Variants in KALRN observed in about 807,000 individuals in gnomAD.
KALRN encodes kalirin.
A neutral mutation model predicts 353.7 loss-of-function variants in KALRN; 70 were observed. That is an observed-to-expected ratio of 0.20 (90% confidence interval 0.16 to 0.24). The LOEUF (loss-of-function observed/expected upper bound fraction) is 0.24, where lower values mean the gene tolerates loss of function less well. KALRN is among the 10% of genes least tolerant of loss of function. The pLI is 1.00. For synonymous variants in KALRN, 1,391 were observed against 1,434.8 expected (o/e 0.97, Z 0.69); for missense variants, 2,791 against 3,756.7 (o/e 0.74, Z 6.72).
intron 2 of KALRN, among the ~76,000 whole-genome samples, chr3:124,228,546 C>A (rs1014003912): frequency 3.3e-5 from 5 of 152,152 alleles, no homozygotes; most frequent in African/African-American, 1.2e-4. Flanking sequence ...TTATATCTGA[C>A]TTCTCTCTCC....
chr3:124,285,723 A>G (rs2075771145), intron 5 of KALRN, among the ~76,000 whole-genome samples: 1 of 152,028 alleles, frequency 6.6e-6, no homozygotes, highest in African/African-American at 2.4e-5. Context: ...TTTAGTAGAG[A>G]TGGGGTTTTG....
intron 37 of KALRN, among the ~76,000 whole-genome samples, chr3:124,640,652 G>C (rs2081942530): frequency 6.6e-6 from 1 of 152,162 alleles, no homozygotes; most frequent in Non-Finnish European, 1.5e-5. Context: ...GAGGGGCCCA[G>C]AGGAGGTAAC....
At chr3:124,097,805 A>G (rs2061553452) in intron 1 of KALRN, among the ~76,000 whole-genome samples, 1 of 152,240 alleles carries the variant, frequency 6.6e-6, no homozygotes, top group African/African-American at 2.4e-5. Context: ...TTGACAGTGT[A>G]CTACCAGCTT....
At chr3:124,249,586 C>A (rs928048063) in intron 3 of KALRN, among the ~76,000 whole-genome samples, 1 of 152,094 alleles carries the variant, frequency 6.6e-6, no homozygotes, top group Admixed American at 6.5e-5. Context: ...TACACTGCCC[C>A]CTAACATAGA....
intron 3 of KALRN, among the ~76,000 whole-genome samples, chr3:124,252,641 A>G (rs2071337744): frequency 6.6e-6 from 1 of 152,230 alleles, no homozygotes; most frequent in South Asian, 2.1e-4. Flanking sequence ...ACTCTTTGGA[A>G]TAATAACCTG....
intron 45 of KALRN, among the ~76,000 whole-genome samples, chr3:124,662,391 A>G (rs918675994): frequency 2.0e-5 from 3 of 151,808 alleles, no homozygotes; most frequent in Non-Finnish European, 4.4e-5. Flanking sequence ...TTTTTATATT[A>G]TAAAGATGGG....
intron 34 of KALRN, among the ~76,000 whole-genome samples, chr3:124,601,670 T>TGTATTCCTTTAGTTTCTACCATTA (rs1309496177): frequency 6.6e-6 from 1 of 152,198 alleles, no homozygotes; most frequent in African/African-American, 2.4e-5. Flanking sequence ...TGATCTTGGA[T>TGTATTCCTTTAGTTTCTACCATTA]GTATTCCTTT....
chr3:124,400,967 T>C (rs1313591817), intron 13 of KALRN, among the ~76,000 whole-genome samples: 1 of 152,170 alleles, frequency 6.6e-6, no homozygotes, highest in African/African-American at 2.4e-5. Context: ...GACCTGGAAG[T>C]CAGGGTTGCT....
chr3:124,508,669 A>G (rs1226059422), intron 33 of KALRN, among the ~76,000 whole-genome samples: 2 of 152,216 alleles, frequency 1.3e-5, no homozygotes, highest in Non-Finnish European at 2.9e-5. Context: ...GTATAAAACT[A>G]AAAGTAAAAT....
intron 3 of KALRN, among the ~76,000 whole-genome samples, chr3:124,254,538 T>C (rs1486986381): frequency 6.6e-6 from 1 of 152,068 alleles, no homozygotes; most frequent in African/African-American, 2.4e-5. Flanking sequence ...AAGCAACTTC[T>C]CTGAGCCTCA....
intron 1 of KALRN, among the ~76,000 whole-genome samples, chr3:124,151,279 T>A (rs1020925083): frequency 2.6e-5 from 4 of 152,228 alleles, no homozygotes; most frequent in African/African-American, 9.6e-5. Context: ...AAAGCAGTTA[T>A]AATGATTTAT....
intron 6 of KALRN, among the ~76,000 whole-genome samples, chr3:124,304,127 A>AACAC (rs3055892): frequency 0.095 from 14,017 of 147,430 alleles, 715 homozygotes; most frequent in South Asian, 0.13. Flanking sequence ...TTTTGTTGTA[A>AACAC]ACACACACAC....
At chr3:124,657,114 T>C (rs1428088590) in intron 39 of KALRN, among the ~76,000 whole-genome samples, 1 of 152,226 alleles carries the variant, frequency 6.6e-6, no homozygotes, top group Non-Finnish European at 1.5e-5. Flanking sequence ...ATATTAAGAC[T>C]TATTTCTAGG....
intron 6 of KALRN, among the ~76,000 whole-genome samples, chr3:124,316,099 G>A (rs1186739578): frequency 3.3e-5 from 5 of 152,118 alleles, no homozygotes; most frequent in African/African-American, 1.2e-4. Flanking sequence ...CACAACCAGA[G>A]GCCCGGAAAT....
intron 1 of KALRN, among the ~76,000 whole-genome samples, chr3:124,069,573 C>T (rs531978944): frequency 6.6e-6 from 1 of 152,178 alleles, no homozygotes; most frequent in South Asian, 2.1e-4. Context: ...GTGTATAGCA[C>T]AAAAGTAGAA....
intron 34 of KALRN, among the ~76,000 whole-genome samples, chr3:124,567,313 C>T (rs1480609951): frequency 6.6e-6 from 1 of 152,162 alleles, no homozygotes; most frequent in African/African-American, 2.4e-5. Flanking sequence ...CACAGGGAGT[C>T]TGTGGCCAAG....
intron 1 of KALRN, among the ~76,000 whole-genome samples, chr3:124,115,533 C>A (rs1181655148): frequency 6.6e-6 from 1 of 152,202 alleles, no homozygotes; most frequent in Non-Finnish European, 1.5e-5. Context: ...AAGAGAGCTT[C>A]TGTTCAAAGT....
In KALRN at chr3:124,325,934, A is replaced by G. The variant is rs535768793; in HGVS notation, c.1093-46A>G. On this transcript the variant is annotated intron_variant, in intron 6 of 59. Transcript: ENST00000682506. ...TGTACCCCACGAAAGTGCTCAGTGG[A>G]TGTCTTTTGAGCCTGCCCCACTGAG... is the stretch of plus-strand genomic sequence containing the variant. 5 of 1,525,728 alleles carry G rather than the reference A, an allele frequency of 3.3e-6. No individual in the cohort carries two copies. The Admixed American group carries it at 7.0e-5, about 21-fold the overall frequency. The allele number at this position is 1,525,728 out of a possible 1,614,324, so 94.5% of individuals were successfully genotyped here.
At chr3:124,484,241 A>G (rs1361953467) in intron 28 of KALRN, among the ~76,000 whole-genome samples, 1 of 152,228 alleles carries the variant, frequency 6.6e-6, no homozygotes, top group Non-Finnish European at 1.5e-5. Flanking sequence ...GCTTAGCACT[A>G]TGAGAGGCGT....
Sources: allele counts gnomAD v4.1 joint callset (sites outside exome capture counted in the v4.1 genomes callset), GRCh38; gene constraint gnomAD v4.1.1; transcripts MANE v1.5; gene names NCBI Gene and HGNC (gene_info 2026-07-23, HGNC 2026-07-21).